Variants in MYO1H observed in about 807,000 individuals in gnomAD.
The protein encoded by MYO1H is myosin IH.
A neutral mutation model predicts 149.3 loss-of-function variants in MYO1H; 118 were observed. The ratio of observed to expected loss-of-function variants is 0.79; its 90% CI spans 0.68 to 0.92. MYO1H has a LOEUF of 0.92. Ranked by LOEUF, MYO1H falls within the 40% of genes least tolerant of loss-of-function variation. The pLI is 0.00. For synonymous variants in MYO1H, 447 were observed against 465.2 expected, an observed-to-expected ratio of 0.96 and a Z score of 0.50; for missense variants, 1,212 against 1,280.7, an observed-to-expected ratio of 0.95 and a Z score of 0.82.
chr12:109,365,007 A>G (rs770191315), intron 1 of MYO1H, among the ~76,000 whole-genome samples: 16 of 152,216 alleles, frequency 1.1e-4, no homozygotes, highest in Non-Finnish European at 1.6e-4. Flanking sequence ...GTGGTGGTTC[A>G]CAACTATAAT....
At chr12:109,321,678 C>A in the MYO1H span, among the ~76,000 whole-genome samples, 1 of 152,278 alleles carries the variant, frequency 6.6e-6, no homozygotes, top group East Asian at 1.9e-4. Context: ...TGTGGTTAAT[C>A]ACTCTTCTAT....
At chr12:109,388,830 G>A (rs1212743974) in exon 2 of MYO1H, 4 of 1,611,768 alleles carry the variant, frequency 2.5e-6, no homozygotes, top group East Asian at 2.2e-5. Flanking sequence ...GCGTTTCAGC[G>A]AGAACCTCAT....
the MYO1H span, among the ~76,000 whole-genome samples, chr12:109,342,540 A>ATT: frequency 1.0e-5 from 1 of 98,096 alleles, no homozygotes; most frequent in African/African-American, 3.9e-5. Flanking sequence ...TCTTCAGGAG[A>ATT]CTTTTTTTTT....
rs1421993036 is a variant in MYO1H at position 109,443,058 on chromosome 12, ACG to A, written c.2689-455_2689-454del. Among the ~76,000 whole-genome samples, 194 of 85,212 alleles carry A rather than the reference ACG, an allele frequency of 2.3e-3. 21 individuals are homozygous for A. Among genetic ancestry groups the A allele is most frequent in the Non-Finnish European group, 3.3e-3 (135 of 41,222 alleles). 55.9% of individuals were successfully genotyped at this position (85,212 alleles called of 152,430 possible). A position where few individuals can be genotyped will look rare whatever the true frequency, so the allele number is the denominator to read the frequency against. On this transcript the variant is annotated intron_variant, in intron 27 of 31. Coordinates refer to ENST00000310903, the Ensembl canonical transcript of MYO1H. ...TGTGTGTGTGTGTGTATATATGTGT[ACG>A]TATGTGTGTATATATGTGTACGTAT...
At chr12:109,436,156 T>C (rs1871848058) in intron 21 of MYO1H, among the ~76,000 whole-genome samples, 1 of 152,160 alleles carries the variant, frequency 6.6e-6, no homozygotes, top group South Asian at 2.1e-4. Context: ...TTATAAAACA[T>C]GCTGATGATG....
At chr12:109,373,336 A>AT (rs1196109928) in intron 1 of MYO1H, among the ~76,000 whole-genome samples, 1 of 152,098 alleles carries the variant, frequency 6.6e-6, no homozygotes, top group Non-Finnish European at 1.5e-5. Context: ...ACATAGCTGT[A>AT]TTTTTATAAT....
chr12:109,325,921 C>A, the MYO1H span, among the ~76,000 whole-genome samples: 14 of 152,122 alleles, frequency 9.2e-5, no homozygotes, highest in Non-Finnish European at 1.8e-4. Context: ...AGGAAACAAC[C>A]AATGTTGGCA....
the MYO1H span, among the ~76,000 whole-genome samples, chr12:109,341,377 A>G: frequency 6.6e-6 from 1 of 152,176 alleles, no homozygotes; most frequent in Non-Finnish European, 1.5e-5. Flanking sequence ...ATACATTTCT[A>G]TTATATTTGC....
the MYO1H span, among the ~76,000 whole-genome samples, chr12:109,329,030 T>C: frequency 1.4e-5 from 2 of 139,728 alleles, no homozygotes; most frequent in Non-Finnish European, 3.0e-5. Flanking sequence ...TTTTCTTTTT[T>C]TTCTTTTTTT....
chr12:109,385,760 C>T (rs1195935773), intron 1 of MYO1H, among the ~76,000 whole-genome samples: 2 of 152,088 alleles, frequency 1.3e-5, no homozygotes, highest in African/African-American at 4.8e-5. Context: ...GCAAAGTAAA[C>T]AGAATAGTAT....
chr12:109,377,884 T>C lies in MYO1H; in HGVS notation c.13-10799T>C, dbSNP rs1592783651. On this transcript the variant is annotated intron_variant, in intron 1 of 31. Transcript: ENST00000310903. ...ATAATAATCATCTCATGGCCAGTGA[T>C]GTCTTACCTCCTTCCCCACTTGTTT... is the stretch of plus-strand genomic sequence containing the variant. Among the ~76,000 whole-genome samples the C allele has an allele frequency of 2.0e-5, 3 of 152,360 alleles. No individual in the cohort carries two copies. In the East Asian group the frequency reaches 5.8e-4, roughly 29 times the overall value.
At chr12:109,333,049 A>G in the MYO1H span, among the ~76,000 whole-genome samples, 1 of 152,150 alleles carries the variant, frequency 6.6e-6, no homozygotes, top group Non-Finnish European at 1.5e-5. Flanking sequence ...GCCGGGTGCC[A>G]TGGCTCACAC....
At chr12:109,425,019 C>T (rs1010502754) in intron 17 of MYO1H, among the ~76,000 whole-genome samples, 191 bp downstream of exon 17, 3 of 152,130 alleles carry the variant, frequency 2.0e-5, no homozygotes, top group Non-Finnish European at 4.4e-5. Context: ...TCTGTAATCC[C>T]AGCACTTTGG....
rs1253548113 is a variant in MYO1H at position 109,443,353 on chromosome 12, T to TACACACAC, written c.2689-160_2689-159insCACACACA. On this transcript the variant is annotated intron_variant, in intron 27 of 31. Coordinates refer to ENST00000310903, the Ensembl canonical transcript of MYO1H. ...GTATGTGTACGTATATATGTGTGTA[T>TACACACAC]ATACACACACACACACACACACACA... Among the ~76,000 whole-genome samples the TACACACAC allele has an allele frequency of 6.5e-5, 6 of 91,958 alleles. 2 individuals are homozygous for TACACACAC. The highest frequency in any genetic ancestry group is 3.1e-4 in the African/African-American group (6 of 19,232). The allele number at this position is 91,958 out of a possible 152,430, so 60.3% of individuals were successfully genotyped here.
At chr12:109,314,165 G>A in the MYO1H span, among the ~76,000 whole-genome samples, 1 of 151,662 alleles carries the variant, frequency 6.6e-6, no homozygotes, top group Non-Finnish European at 1.5e-5. Flanking sequence ...GATTACAGGC[G>A]TGAGCCACCA....
At chr12:109,420,679 C>T (rs763572705) in intron 15 of MYO1H, among the ~76,000 whole-genome samples, 7 of 152,028 alleles carry the variant, frequency 4.6e-5, no homozygotes, top group South Asian at 2.1e-4. Context: ...GAGATTTGGG[C>T]GAGGGCACAG....
At chr12:109,401,427 A>C in intron 6 of MYO1H, 155 bp downstream of exon 6, 1 of 709,482 alleles carries the variant, frequency 1.4e-6, no homozygotes, top group Non-Finnish European at 2.2e-6. Flanking sequence ...AAGCAATCTA[A>C]TCCATCTCCT....
At chr12:109,407,910 C>T (rs758254814) in exon 10 of MYO1H, 2 of 1,613,928 alleles carry the variant, frequency 1.2e-6, no homozygotes, top group Admixed American at 1.7e-5. Flanking sequence ...CCTTAGTTAA[C>T]AAGGTTGGTC....
At chr12:109,373,762 A>G (rs1012345212) in intron 1 of MYO1H, among the ~76,000 whole-genome samples, 1 of 152,214 alleles carries the variant, frequency 6.6e-6, no homozygotes, top group African/African-American at 2.4e-5. Flanking sequence ...ACAAACACTC[A>G]TATGCCTCCA....
Sources: allele counts gnomAD v4.1 joint callset (sites outside exome capture counted in the v4.1 genomes callset), GRCh38; gene constraint gnomAD v4.1.1; transcripts MANE v1.5; gene names NCBI Gene and HGNC (gene_info 2026-07-23, HGNC 2026-07-21).